Variants in GABRG3 observed in about 807,000 individuals in gnomAD.
The protein encoded by GABRG3 is gamma-aminobutyric acid type A receptor subunit gamma3.
In GABRG3, 25 loss-of-function variants were observed where a neutral mutation model predicts 48.8. The observed-to-expected ratio is 0.51, with a 90% CI of 0.37 to 0.72. The LOEUF is 0.72. GABRG3 is among the 30% of genes least tolerant of loss of function. The pLI, the probability that GABRG3 is intolerant of heterozygous loss-of-function variation, is 0.00. For synonymous variants in GABRG3, 227 were observed against 217.6 expected, an observed-to-expected ratio of 1.04 and a Z score of -0.38; for missense variants, 394 against 577.9, an observed-to-expected ratio of 0.68 and a Z score of 3.26.
intron 3 of GABRG3, among the ~76,000 whole-genome samples, chr15:27,126,816 T>A (rs1029939): frequency 7.2e-4 from 110 of 152,234 alleles, no homozygotes; most frequent in Admixed American, 1.4e-3. Flanking sequence ...GATGGCATAA[T>A]GACCCAAAAC....
At chr15:27,014,199 T>C (rs778355735) in intron 2 of GABRG3, among the ~76,000 whole-genome samples, 1 of 152,060 alleles carries the variant, frequency 6.6e-6, no homozygotes, top group Non-Finnish European at 1.5e-5. Flanking sequence ...CATTTTTTTC[T>C]TAGTCTAGCT....
chr15:27,302,146 C>G (rs1442437156), intron 3 of GABRG3, among the ~76,000 whole-genome samples: 2 of 151,936 alleles, frequency 1.3e-5, no homozygotes, highest in Non-Finnish European at 2.9e-5. Flanking sequence ...ATAGGATATT[C>G]TTTTATACTG....
intron 3 of GABRG3, among the ~76,000 whole-genome samples, chr15:27,143,948 G>A (rs904153924): frequency 6.6e-6 from 1 of 152,112 alleles, no homozygotes; most frequent in Non-Finnish European, 1.5e-5. Context: ...TCAAATAAAA[G>A]ATAAGGCAAT....
Position 27,288,730 on chromosome 15 carries a change from A to AT in GABRG3, c.271-38079_271-38078insT, listed in dbSNP as rs150373920. Among the ~76,000 whole-genome samples the AT allele has an allele frequency of 6.8e-3, 1,028 of 150,602 alleles. 6 individuals carry two copies. The highest frequency in any genetic ancestry group is 0.011 in the Non-Finnish European group (742 of 67,526). On this transcript the variant is annotated intron_variant, in intron 3 of 9. Coordinates refer to ENST00000615808, the MANE Select transcript of GABRG3 (RefSeq NM_033223.5). ...CTCCGTCTCACAGAAAAAAAAAAAA[A>AT]AATAAGAGGAAAAAGTTAAAATATT...
chr15:27,327,392 G>A (rs1226557233), intron 4 of GABRG3, among the ~76,000 whole-genome samples: 1 of 152,176 alleles, frequency 6.6e-6, no homozygotes, highest in African/African-American at 2.4e-5. Context: ...GAGGGGCAGA[G>A]TCAGCCCCTT....
rs1161814767 is a variant in GABRG3, at chr15:27,319,933, A to G, written c.271-6876A>G. 6.6e-6 allele frequency among the ~76,000 whole-genome samples: 1 copy of G among 152,110 alleles called. No individual in the cohort carries two copies. On this transcript the variant is annotated intron_variant, in intron 3 of 9. Coordinates refer to ENST00000615808, the MANE Select transcript of GABRG3 (RefSeq NM_033223.5). The surrounding 1 kb of genome is among the most constrained non-coding windows in gnomAD (Gnocchi z 4.4). The stretch of plus-strand genomic sequence containing the variant: ...GCAGTCAGTGGGTTGGGGAGGGCAG[A>G]GGGAGGATTTCTACACAAGAAAGGA...
At chr15:27,125,562 T>G (rs1897805473) in intron 3 of GABRG3, among the ~76,000 whole-genome samples, 1 of 152,368 alleles carries the variant, frequency 6.6e-6, no homozygotes, top group South Asian at 2.1e-4. Context: ...ACATATTATA[T>G]ACGTATATTG....
intron 3 of GABRG3, among the ~76,000 whole-genome samples, chr15:27,307,919 A>G (rs942111377): frequency 3.0e-4 from 37 of 122,460 alleles, no homozygotes; most frequent in Non-Finnish European, 5.8e-4. Flanking sequence ...ATGTTTATAT[A>G]TAAACATATG....
chr15:27,218,952 C>A (rs532845815), intron 3 of GABRG3, among the ~76,000 whole-genome samples: 1 of 152,246 alleles, frequency 6.6e-6, no homozygotes, highest in Admixed American at 6.5e-5. Context: ...CAAATGGATG[C>A]AAATCCCCCT....
At chr15:27,506,792 T>C (rs6497215) in intron 6 of GABRG3, among the ~76,000 whole-genome samples, 1 of 146,424 alleles carries the variant, frequency 6.8e-6, no homozygotes, top group Non-Finnish European at 1.5e-5. Context: ...AACTTTTGGG[T>C]TTTTTTTTCT....
At chr15:27,307,795 T>C (rs890581651) in intron 3 of GABRG3, among the ~76,000 whole-genome samples, 1 of 130,180 alleles carries the variant, frequency 7.7e-6, no homozygotes, top group African/African-American at 2.9e-5. Flanking sequence ...AACATATATA[T>C]AAAATAAACA....
chr15:27,024,603 C>T (rs1428672220), intron 2 of GABRG3, among the ~76,000 whole-genome samples: 1 of 152,204 alleles, frequency 6.6e-6, no homozygotes, highest in African/African-American at 2.4e-5. Flanking sequence ...TGTGAAAGAT[C>T]ATTTGTCAGG....
chr15:27,122,537 A>G (rs890710613), intron 3 of GABRG3, among the ~76,000 whole-genome samples: 3 of 152,218 alleles, frequency 2.0e-5, no homozygotes, highest in African/African-American at 4.8e-5. Context: ...AATTATCCCT[A>G]TGACTCTGCT....
chr15:27,127,345 T>G (rs371370932), intron 3 of GABRG3, among the ~76,000 whole-genome samples: 1 of 151,352 alleles, frequency 6.6e-6, no homozygotes, highest in Non-Finnish European at 1.5e-5. Flanking sequence ...AATAAGCCAG[T>G]CAGAAAGACA....
intron 6 of GABRG3, among the ~76,000 whole-genome samples, chr15:27,494,641 C>G (rs917837486): frequency 5.9e-5 from 9 of 152,156 alleles, no homozygotes; most frequent in Admixed American, 2.6e-4. Flanking sequence ...AGTTGTTACA[C>G]TATTCCCTGA....
chr15:27,243,225 T>C (rs1474552550), intron 3 of GABRG3, among the ~76,000 whole-genome samples: 1 of 152,156 alleles, frequency 6.6e-6, no homozygotes, highest in African/African-American at 2.4e-5. Context: ...GGTGTGTGTT[T>C]TCCATGTAGA....
intron 5 of GABRG3, among the ~76,000 whole-genome samples, chr15:27,395,436 A>C (rs964668172): frequency 6.6e-6 from 1 of 152,218 alleles, no homozygotes; most frequent in Non-Finnish European, 1.5e-5. Flanking sequence ...ATCTAAAACA[A>C]TTTTGGAAAA....
chr15:27,347,820 C>T (rs1436941352), intron 5 of GABRG3, among the ~76,000 whole-genome samples: 2 of 152,158 alleles, frequency 1.3e-5, no homozygotes, highest in African/African-American at 4.8e-5. Flanking sequence ...CTTATGACTC[C>T]TGCAGCTTCT....
intron 2 of GABRG3, among the ~76,000 whole-genome samples, chr15:27,025,605 C>T (rs1269516746): frequency 1.3e-5 from 2 of 152,114 alleles, no homozygotes; most frequent in Non-Finnish European, 1.5e-5. Context: ...GTTTTCATTA[C>T]GTGAAGGTCT....
Sources: gnomAD v4.1 joint callset for allele counts (sites outside exome capture counted in the v4.1 genomes callset) on GRCh38, gnomAD v4.1.1 for gene constraint, Gnocchi (gnomAD v3.1) non-coding constraint, MANE v1.5 for transcripts, NCBI Gene and HGNC (gene_info 2026-07-23, HGNC 2026-07-21) for gene names.